The following CRISP1 variants were observed in gnomAD, a reference collection of about 807,000 sequenced individuals.
The protein encoded by CRISP1 is cysteine-rich secretory protein 1.
CRISP1 carries 44 observed loss-of-function variants against 33.1 expected under a neutral mutation model. That is an observed-to-expected ratio of 1.33 (90% CI 1.05 to 1.71). CRISP1 has a LOEUF of 1.71. Among genes scored for constraint, CRISP1 ranks in the 40% most tolerant of loss-of-function variants. The probability of loss-of-function intolerance (pLI) is 0.00; values close to 1 mark genes in which losing one functional copy is unlikely to be tolerated. For missense variants in CRISP1, 390 were observed against 301.2 expected (o/e 1.29, Z -2.18); for synonymous variants, 103 against 98.7 (o/e 1.04, Z -0.26).
chr6:49,852,764 A>C (rs1021828607), intron 2 of CRISP1, among the ~76,000 whole-genome samples: 2 of 151,700 alleles, frequency 1.3e-5, no homozygotes, highest in African/African-American at 2.4e-5. Flanking sequence ...TCATTTATTT[A>C]TTTTTTATTC....
chr6:49,871,767 T>C (rs887838873), intron 1 of CRISP1, among the ~76,000 whole-genome samples: 2 of 152,088 alleles, frequency 1.3e-5, no homozygotes, highest in African/African-American at 2.4e-5. Context: ...CCATGGTGTA[T>C]ATGTGCCACA....
intron 2 of CRISP1, among the ~76,000 whole-genome samples, chr6:49,855,433 T>A (rs1771467833): frequency 6.6e-6 from 1 of 150,728 alleles, no homozygotes. Context: ...ATATGTGTCC[T>A]TATCTCTGAT....
At chr6:49,854,365 T>C (rs1771435581) in intron 2 of CRISP1, among the ~76,000 whole-genome samples, 1 of 152,202 alleles carries the variant, frequency 6.6e-6, no homozygotes, top group African/African-American at 2.4e-5. Flanking sequence ...TTTATGATTA[T>C]GCAGCTTATA....
chr6:49,870,774 T>C (rs975155684), upstream of CRISP1, among the ~76,000 whole-genome samples: 2 of 152,150 alleles, frequency 1.3e-5, no homozygotes, highest in African/African-American at 4.8e-5. Flanking sequence ...TGCTTAAGGT[T>C]GTTTGTGTAG....
intron 1 of CRISP1, among the ~76,000 whole-genome samples, chr6:49,858,283 A>G (rs1328377157): frequency 1.3e-5 from 2 of 152,176 alleles, no homozygotes; most frequent in Non-Finnish European, 2.9e-5. Flanking sequence ...TAGGATATTA[A>G]TAAGTATAGA....
At chr6:49,852,809 G>A (rs1451321412) in intron 2 of CRISP1, among the ~76,000 whole-genome samples, 1 of 151,382 alleles carries the variant, frequency 6.6e-6, no homozygotes. Flanking sequence ...CATGACCAAA[G>A]TATTTAGGTT....
At chr6:49,836,488 A>G (rs1582251486) in intron 7 of CRISP1, among the ~76,000 whole-genome samples, 1 of 151,286 alleles carries the variant, frequency 6.6e-6, no homozygotes, top group Non-Finnish European at 1.5e-5. Flanking sequence ...GGCGCCCGCC[A>G]TCACGCCCTG....
At chr6:49,845,176 G>A (rs1228223254) in intron 5 of CRISP1, among the ~76,000 whole-genome samples, 2 of 152,118 alleles carry the variant, frequency 1.3e-5, no homozygotes, top group Admixed American at 1.3e-4. Flanking sequence ...ATTAAATAAA[G>A]TCATACGACT....
intron 2 of CRISP1, among the ~76,000 whole-genome samples, chr6:49,855,308 C>A (rs956203566): frequency 6.6e-6 from 1 of 152,112 alleles, no homozygotes; most frequent in African/African-American, 2.4e-5. Flanking sequence ...AACACAGACA[C>A]AATGGATTCA....
chr6:49,864,384 C>CTGTGTGGGTG (rs1771740950), intron 1 of CRISP1, among the ~76,000 whole-genome samples: 1 of 142,268 alleles, frequency 7.0e-6, no homozygotes. Flanking sequence ...TTGCTATTCA[C>CTGTGTGGGTG]TGTGTGTGTG....
rs765470406 is a variant in CRISP1 at position 49,848,281 on chromosome 6, C to T, written c.214G>A (p.Ala72Thr). 5.0e-6 allele frequency: 8 copies of T among 1,602,350 alleles called. No homozygotes were observed. Among genetic ancestry groups the T allele is most frequent in the South Asian group, 4.5e-5 (4 of 89,062 alleles). ...MLKMSWSEEA[A>T]QNARIFSKYC... The stretch of plus-strand genomic sequence containing the variant: ...TTTGAAAAAATTCTGGCATTTTGTG[C>T]AGCCTCTTCACTCCAACTCTGTAGT... Residue 72 changes from alanine (A) to threonine (T), a missense_variant, in exon 4 of 8, where the codon GCA becomes ACA. Physicochemically the swap from Ala to Thr is moderately conservative, Grantham distance 58. Transcript: ENST00000335847.
chr6:49,863,505 T>G, intron 1 of CRISP1, among the ~76,000 whole-genome samples: 1 of 152,352 alleles, frequency 6.6e-6, no homozygotes, highest in East Asian at 1.9e-4. Context: ...ATGGCAATCT[T>G]AAGCCAATAC....
intron 2 of CRISP1, 143 bp from the exon 3 acceptor site, chr6:49,852,272 A>T (rs1399551095): frequency 1.8e-5 from 13 of 716,640 alleles, no homozygotes; most frequent in Non-Finnish European, 2.6e-5. Context: ...ATGTCTCATT[A>T]TATTGGATTC....
intron 3 of CRISP1, among the ~76,000 whole-genome samples, chr6:49,850,369 G>T (rs1359056603): frequency 6.6e-6 from 1 of 152,114 alleles, no homozygotes; most frequent in Non-Finnish European, 1.5e-5. Flanking sequence ...TAATGTTGGT[G>T]AGATACTCCT....
chr6:49,851,691 C>G (rs1408257648), intron 3 of CRISP1, among the ~76,000 whole-genome samples: 1 of 152,122 alleles, frequency 6.6e-6, no homozygotes, highest in Non-Finnish European at 1.5e-5. Context: ...ATCAGGATAT[C>G]AGAGAGTGAG....
intron 1 of CRISP1, among the ~76,000 whole-genome samples, chr6:49,872,354 T>C (rs1333226614): frequency 1.3e-5 from 2 of 152,142 alleles, no homozygotes; most frequent in Non-Finnish European, 1.5e-5. Flanking sequence ...GTAGGTTGCC[T>C]GTTCATTCTG....
chr6:49,835,198 A>C lies in CRISP1; in HGVS notation c.*118T>G. 8.9e-7 allele frequency: 1 copy of C among 1,121,566 alleles called. No homozygotes were observed. Among genetic ancestry groups the C allele is most frequent in the Non-Finnish European group, 1.3e-6 (1 of 790,402 alleles). The allele number at this position is 1,121,566 out of a possible 1,614,324, so 69.5% of individuals were successfully genotyped here. On this transcript the variant is annotated 3_prime_UTR_variant, in exon 8 of 8. Coordinates refer to ENST00000335847, the MANE Select transcript of CRISP1 (RefSeq NM_001131.3). The stretch of plus-strand genomic sequence containing the variant: ...TATCAGGATGGGAGTTAAGGTCTCC[A>C]GCATGATTAAAATCAGTGAAATTTA...
chr6:49,839,220 A>G (rs1466834985), intron 6 of CRISP1, among the ~76,000 whole-genome samples: 4 of 133,214 alleles, frequency 3.0e-5, no homozygotes, highest in Non-Finnish European at 6.2e-5. Flanking sequence ...GGATTGCTTG[A>G]GCCCGAAAGT....
chr6:49,840,840 A>G, intron 6 of CRISP1, 58 bp downstream of exon 6: 1 of 1,367,818 alleles, frequency 7.3e-7, no homozygotes, highest in Non-Finnish European at 1.0e-6. Flanking sequence ...ACAATGTTTG[A>G]AAAACTAGAT....
Sources: allele counts gnomAD v4.1 joint callset (sites outside exome capture counted in the v4.1 genomes callset), GRCh38; gene constraint gnomAD v4.1.1; transcripts MANE v1.5; gene names NCBI Gene and HGNC (gene_info 2026-07-23, HGNC 2026-07-21).